Variants in PPA2 observed in about 807,000 individuals in gnomAD.
The protein encoded by PPA2 is inorganic pyrophosphatase 2, also known as inorganic pyrophosphatase 2, mitochondrial.
A neutral mutation model predicts 49.5 loss-of-function variants in PPA2; 48 were observed. The observed-to-expected ratio is 0.97, with a 90% confidence interval of 0.77 to 1.23. The LOEUF (loss-of-function observed/expected upper bound fraction) is 1.23. PPA2 is among the 50% of genes most tolerant of loss of function. PPA2 has a pLI of 0.00. For synonymous variants in PPA2, 131 were observed against 139.9 expected, an observed-to-expected ratio of 0.94 and a Z score of 0.45; for missense variants, 429 against 410.1, an observed-to-expected ratio of 1.05 and a Z score of -0.40.
In PPA2 at chr4:105,424,301, T is replaced by C. The variant is rs1433666126; in HGVS notation, c.550A>G (p.Ile184Val). 6.3e-7 allele frequency: 1 copy of C among 1,599,348 alleles called. No individual in the cohort carries two copies. Among genetic ancestry groups the C allele is most frequent in the Non-Finnish European group, 8.5e-7 (1 of 1,176,376 alleles). ...AAAATTCCAAGGATCTTCACATGAA[T>C]AACTTCTCCACAAGAAAGAATCTTT... is the stretch of plus-strand genomic sequence containing the variant. ...GSKILSCGEV[I>V]HVKILGILAL... The change falls in exon 7 of 12, where the codon ATT becomes GTT. Residue 184 changes from isoleucine to valine, a missense_variant. Physicochemically the swap from Ile to Val is conservative, Grantham distance 29. Transcript: ENST00000341695.
chr4:105,381,704 G>A (rs549795367), intron 10 of PPA2, among the ~76,000 whole-genome samples: 3 of 152,148 alleles, frequency 2.0e-5, no homozygotes, highest in East Asian at 3.9e-4. Flanking sequence ...TCTTATGCCT[G>A]TAGTTATGTC....
intron 5 of PPA2, among the ~76,000 whole-genome samples, chr4:105,445,945 C>T (rs1268373032): frequency 6.6e-6 from 1 of 152,036 alleles, no homozygotes; most frequent in East Asian, 1.9e-4. Flanking sequence ...ATTCAATTTA[C>T]AATGAGTTCC....
intron 9 of PPA2, 114 bp from the exon 10 acceptor site, chr4:105,386,750 G>T (rs1185352420): frequency 5.3e-6 from 4 of 751,910 alleles, no homozygotes; most frequent in Non-Finnish European, 8.6e-6. Flanking sequence ...TTTAACCAAT[G>T]AATAGAAACT....
chr4:105,439,109 C>T lies in PPA2; in HGVS notation c.442-1073G>A, dbSNP rs151253413. On this transcript the variant is annotated intron_variant, in intron 5 of 11. Transcript: ENST00000341695. ...AGAATAACCACAATTGTTAATCTTA[C>T]ATACTGGTCATAGGTGACAAACACT... Among the ~76,000 whole-genome samples the T allele has an allele frequency of 5.1e-4, 77 of 152,204 alleles. 2 individuals are homozygous for T. In the East Asian group the frequency reaches 0.014, roughly 28 times the overall value.
intron 1 of PPA2, chr4:105,473,376 T>C: frequency 2.9e-6 from 1 of 343,088 alleles, no homozygotes. Context: ...TTCATCAGAG[T>C]CCCTCCAAAA....
At chr4:105,455,510 T>C (rs578193596) in intron 2 of PPA2, among the ~76,000 whole-genome samples, 1 of 152,276 alleles carries the variant, frequency 6.6e-6, no homozygotes, top group South Asian at 2.1e-4. Flanking sequence ...AGATTTGTGA[T>C]GATGGACAAG....
chr4:105,427,359 G>T (rs549904043), intron 6 of PPA2, among the ~76,000 whole-genome samples: 1 of 152,244 alleles, frequency 6.6e-6, no homozygotes, highest in Non-Finnish European at 1.5e-5. Flanking sequence ...TTGATGAGTT[G>T]ACAAAAGTAG....
At chr4:105,424,164 T>G (rs1723381467) in intron 7 of PPA2, 32 bp downstream of exon 7, 3 of 1,590,624 alleles carry the variant, frequency 1.9e-6, no homozygotes, top group Non-Finnish European at 2.6e-6. Flanking sequence ...CACACTAATT[T>G]GCTTTCACTT....
intron 10 of PPA2, 83 bp from the exon 11 acceptor site, chr4:105,370,956 T>G: frequency 7.6e-7 from 1 of 1,313,464 alleles, no homozygotes; most frequent in South Asian, 1.6e-5. Context: ...TTTCACGAAA[T>G]TATAGAAGAA....
chr4:105,463,342 G>A (rs529177101), intron 1 of PPA2, among the ~76,000 whole-genome samples: 2 of 152,300 alleles, frequency 1.3e-5, no homozygotes, highest in South Asian at 4.1e-4. Flanking sequence ...TGAGAGAGAT[G>A]ATTTAGGGTA....
At chr4:105,382,703 C>G (rs1466565661) in intron 10 of PPA2, among the ~76,000 whole-genome samples, 1 of 151,732 alleles carries the variant, frequency 6.6e-6, no homozygotes, top group Non-Finnish European at 1.5e-5. Flanking sequence ...AAAAACTTTA[C>G]AAAAAGAAAT....
At chr4:105,435,903 A>G (rs747240949) in intron 6 of PPA2, among the ~76,000 whole-genome samples, 1 of 152,152 alleles carries the variant, frequency 6.6e-6, no homozygotes, top group Non-Finnish European at 1.5e-5. Context: ...GAATAAGACA[A>G]GGATGTCCAG....
At chr4:105,419,625 A>G (rs879882072) in intron 7 of PPA2, among the ~76,000 whole-genome samples, 5 of 152,242 alleles carry the variant, frequency 3.3e-5, no homozygotes, top group Non-Finnish European at 7.3e-5. Context: ...TATCTGATGC[A>G]ATGGCTAGTT....
At chr4:105,404,816 T>G (rs1303718861) in intron 7 of PPA2, among the ~76,000 whole-genome samples, 1 of 152,180 alleles carries the variant, frequency 6.6e-6, no homozygotes, top group African/African-American at 2.4e-5. Context: ...GCACGGTGGC[T>G]CACACCTGTA....
intron 2 of PPA2, 44 bp downstream of exon 2, chr4:105,456,637 C>A: frequency 6.8e-7 from 1 of 1,461,866 alleles, no homozygotes; most frequent in South Asian, 1.2e-5. Context: ...AATGGTGATA[C>A]TGGCAGTACA....
At chr4:105,418,604 G>A (rs113488163) in intron 7 of PPA2, among the ~76,000 whole-genome samples, 1 of 152,116 alleles carries the variant, frequency 6.6e-6, no homozygotes, top group Non-Finnish European at 1.5e-5. Context: ...CATCCACAAT[G>A]TATCTATATC....
intron 6 of PPA2, among the ~76,000 whole-genome samples, chr4:105,432,336 G>A (rs1299798440): frequency 2.0e-5 from 3 of 151,864 alleles, no homozygotes; most frequent in South Asian, 2.1e-4. Context: ...TCTTAAAAAC[G>A]TCAATCAAAA....
At chr4:105,467,702 G>A (rs11933675) in intron 1 of PPA2, among the ~76,000 whole-genome samples, 3,589 of 152,188 alleles carry the variant, frequency 0.024, 135 homozygotes, top group African/African-American at 0.077. Context: ...GGTGGAAGTG[G>A]ACAGAAGGAA....
At chr4:105,409,303 C>T (rs1300722243) in intron 7 of PPA2, among the ~76,000 whole-genome samples, 1 of 152,228 alleles carries the variant, frequency 6.6e-6, no homozygotes, top group Non-Finnish European at 1.5e-5. Context: ...ACTGCTAGCG[C>T]AGCAGTCTAA....
Sources: allele counts gnomAD v4.1 joint callset (sites outside exome capture counted in the v4.1 genomes callset), GRCh38; gene constraint gnomAD v4.1.1; transcripts MANE v1.5; gene names NCBI Gene and HGNC (gene_info 2026-07-23, HGNC 2026-07-21).